MRRF: variants seen among roughly 807,000 people sequenced by gnomAD.
The protein encoded by MRRF is ribosome-recycling factor, mitochondrial.
In MRRF, 18 loss-of-function variants were observed where a neutral mutation model predicts 25.1. That is an observed-to-expected ratio of 0.72 (90% CI 0.50 to 1.06). MRRF has a LOEUF of 1.06. Among genes scored for constraint, MRRF ranks in the 50% least tolerant of loss-of-function variants. The probability of loss-of-function intolerance (pLI) is 0.00; values close to 1 mark genes in which losing one functional copy is unlikely to be tolerated. For missense variants in MRRF, 323 were observed against 319.3 expected (o/e 1.01, Z -0.09); for synonymous variants, 113 against 112.1 (o/e 1.01, Z -0.05).
chr9:122,321,473 CT>C (rs1297704866), intron 6 of MRRF, among the ~76,000 whole-genome samples: 1 of 152,096 alleles, frequency 6.6e-6, no homozygotes, highest in Non-Finnish European at 1.5e-5. Context: ...GTGTATAGAA[CT>C]TCAGAAAATT....
In MRRF at chr9:122,326,811, G is replaced by T. The variant is rs1317476166; in HGVS notation, c.*4194G>T. ...ACATTGAAACTTCTGATGAATCCTT[G>T]TTAATGTAGGTGTTATGATTATCTG... On this transcript the variant is annotated 3_prime_UTR_variant, in exon 7 of 7. Coordinates refer to ENST00000344641, the MANE Select transcript of MRRF (RefSeq NM_138777.5). 6.6e-6 allele frequency: 1 copy of T among 152,078 alleles called. No individual in the cohort carries two copies. The highest frequency in any genetic ancestry group is 1.5e-5 in the Non-Finnish European group (1 of 68,014). The allele number at this position is 152,078 out of a possible 1,614,324, so 9.4% of individuals were successfully genotyped here. A position where few individuals can be genotyped will look rare whatever the true frequency, so the allele number is the denominator to read the frequency against.
In MRRF at chr9:122,324,871, C is replaced by T. The variant is rs1836079826; in HGVS notation, c.*2254C>T. The T allele has an allele frequency of 2.6e-5, 4 of 152,220 alleles. No homozygotes were observed. The highest frequency in any genetic ancestry group is 2.6e-4 in the Admixed American group (4 of 15,288). The allele number at this position is 152,220 out of a possible 1,614,324, so 9.4% of individuals were successfully genotyped here. The stretch of plus-strand genomic sequence containing the variant: ...GTCTCCTGCCCCACTTACCTGTCCT[C>T]TAACCCCATCCACCAGCCCTAAGTG... On this transcript the variant is annotated 3_prime_UTR_variant, in exon 7 of 7. Coordinates refer to ENST00000344641, the MANE Select transcript of MRRF (RefSeq NM_138777.5).
intron 3 of MRRF, among the ~76,000 whole-genome samples, chr9:122,283,560 C>G (rs546654455): frequency 1.5e-4 from 23 of 152,326 alleles, no homozygotes; most frequent in Admixed American, 5.2e-4. Flanking sequence ...ACCTCCCGGA[C>G]TTTTCCAGGT....
At chr9:122,311,290 G>A (rs967336031) in intron 5 of MRRF, among the ~76,000 whole-genome samples, 1 of 152,050 alleles carries the variant, frequency 6.6e-6, no homozygotes, top group Non-Finnish European at 1.5e-5. Context: ...GCACACACAT[G>A]CCCTTCTCCC....
chr9:122,308,220 G>A lies in MRRF; in HGVS notation c.552-5007G>A, dbSNP rs971976966. Among the ~76,000 whole-genome samples, 221 of 152,106 alleles carry A rather than the reference G, an allele frequency of 1.5e-3. 2 individuals carry two copies. The highest frequency in any genetic ancestry group is 5.4e-4 in the Non-Finnish European group (37 of 68,004). ...TCACCCAGCCAAGAAACTGCAACAG[G>A]GTGGGTCCTGAGCTCCCTGTCTACC... On this transcript the variant is annotated intron_variant, in intron 5 of 6. Transcript: ENST00000344641.
intron 4 of MRRF, among the ~76,000 whole-genome samples, chr9:122,289,597 G>T (rs981923387): frequency 1.1e-4 from 15 of 140,580 alleles, no homozygotes; most frequent in African/African-American, 3.6e-4. Context: ...TTTAGAATCT[G>T]TTTTTTTTTT....
At chr9:122,319,840 T>TAAA (rs1016989588) in intron 6 of MRRF, among the ~76,000 whole-genome samples, 11 of 151,982 alleles carry the variant, frequency 7.2e-5, no homozygotes, top group African/African-American at 2.7e-4. Context: ...CTTATGCTTG[T>TAAA]ACTATGGTAA....
At chr9:122,281,920 C>T (rs16911577) in intron 3 of MRRF, among the ~76,000 whole-genome samples, 4,619 of 152,192 alleles carry the variant, frequency 0.03, 206 homozygotes, top group African/African-American at 0.099. Flanking sequence ...TATGTCGATA[C>T]GGATTTAGGA....
At chr9:122,321,715 T>G (rs1468984149) in intron 6 of MRRF, among the ~76,000 whole-genome samples, 1 of 152,222 alleles carries the variant, frequency 6.6e-6, no homozygotes, top group African/African-American at 2.4e-5. Flanking sequence ...TTTTCCATGT[T>G]TGGTAACCAG....
At chr9:122,284,457 A>G in intron 3 of MRRF, among the ~76,000 whole-genome samples, 1 of 152,190 alleles carries the variant, frequency 6.6e-6, no homozygotes, top group East Asian at 1.9e-4. Flanking sequence ...CCTCACTCTA[A>G]TCCTCTAAGG....
At chr9:122,273,649 A>G (rs995892151) in intron 2 of MRRF, among the ~76,000 whole-genome samples, 16 of 152,124 alleles carry the variant, frequency 1.1e-4, no homozygotes, top group African/African-American at 3.9e-4. Flanking sequence ...TTATTACCCA[A>G]ATCAATAAAT....
chr9:122,306,486 C>A (rs1834855262), intron 5 of MRRF, among the ~76,000 whole-genome samples: 1 of 152,110 alleles, frequency 6.6e-6, no homozygotes, highest in South Asian at 2.1e-4. Context: ...TGCCCAGGGC[C>A]ACAAAGCTAA....
chr9:122,283,095 T>TG lies in MRRF; in HGVS notation c.341-2074_341-2073insG, dbSNP rs533043862. ...AACCCCATGAAATATAAGTACAATTTTTTTTTTTTTTTTTTGGAGTCAGAG... is the reference window on the plus strand; with the variant it reads ...AACCCCATGAAATATAAGTACAATTTGTTTTTTTTTTTTTTTGGAGTCAGAG... On this transcript the variant is annotated intron_variant, in intron 3 of 6. Coordinates refer to ENST00000344641, the MANE Select transcript of MRRF (RefSeq NM_138777.5). 1.2e-3 allele frequency among the ~76,000 whole-genome samples: 186 copies of TG among 150,324 alleles called. 2 individuals are homozygous for TG. Among genetic ancestry groups the TG allele is most frequent in the South Asian group, 6.7e-3 (32 of 4,762 alleles).
chr9:122,274,533 GGTGTGTGTGTGTGTGTGTGT>G (rs765131163), intron 2 of MRRF, among the ~76,000 whole-genome samples: 1 of 140,562 alleles, frequency 7.1e-6, no homozygotes. Context: ...ATATGAATCT[GGTGTGTGTGTGTGTGTGTGT>G]GTGTGTGTGT....
chr9:122,280,630 A>T, intron 3 of MRRF, 32 bp downstream of exon 3: 2 of 1,607,540 alleles, frequency 1.2e-6, no homozygotes, highest in Non-Finnish European at 1.7e-6. Context: ...CTGGGGAGGG[A>T]TGTAATGGAA....
At chr9:122,322,224 G>A (rs1347984366) in intron 6 of MRRF, among the ~76,000 whole-genome samples, 10 of 152,030 alleles carry the variant, frequency 6.6e-5, no homozygotes, top group African/African-American at 1.5e-4. Context: ...TTAGCCGGGC[G>A]CGGTGGCGGG....
chr9:122,290,367 G>GT (rs772725227), intron 4 of MRRF, among the ~76,000 whole-genome samples: 3 of 152,202 alleles, frequency 2.0e-5, no homozygotes, highest in South Asian at 4.2e-4. Context: ...CTAATAATCT[G>GT]TGGCCAGAGG....
intron 6 of MRRF, among the ~76,000 whole-genome samples, chr9:122,313,841 CACTTG>C (rs1290404710): frequency 2.6e-5 from 4 of 152,130 alleles, no homozygotes; most frequent in Admixed American, 2.6e-4. Context: ...TGAGTAGTGG[CACTTG>C]AATAAGTCTT....
chr9:122,279,941 C>G (rs1832995628), intron 2 of MRRF, among the ~76,000 whole-genome samples: 1 of 152,190 alleles, frequency 6.6e-6, no homozygotes, highest in Non-Finnish European at 1.5e-5. Context: ...GGAACCAGAT[C>G]TTGACTTTTC....
Sources: allele counts gnomAD v4.1 joint callset (sites outside exome capture counted in the v4.1 genomes callset), GRCh38; gene constraint gnomAD v4.1.1; transcripts MANE v1.5; gene names NCBI Gene and HGNC (gene_info 2026-07-23, HGNC 2026-07-21).